ARSL: variants seen among roughly 807,000 people sequenced by gnomAD.
ARSL encodes the protein arylsulfatase E (chondrodysplasia punctata 1).
ARSL carries 4 observed loss-of-function variants against 31.1 expected under a neutral mutation model. The ratio of observed to expected loss-of-function variants is 0.13; its 90% CI spans 0.06 to 0.29. The LOEUF (loss-of-function observed/expected upper bound fraction) is 0.29. ARSL is among the 10% of genes least tolerant of loss of function. The pLI is 1.00. For synonymous variants in ARSL, 198 were observed against 209.9 expected, an observed-to-expected ratio of 0.94 and a Z score of 0.49; for missense variants, 312 against 497.8, an observed-to-expected ratio of 0.63 and a Z score of 3.55.
chrX:2,942,928 A>G (rs1744930600), intron 8 of ARSL, 137 bp downstream of exon 8: 2 of 894,895 alleles, frequency 2.2e-6, no homozygotes, highest in Admixed American at 2.4e-5. Flanking sequence ...ATGTCAAATT[A>G]CCACTTTTGC....
chrX:2,951,173 GT>G (rs931260439), intron 5 of ARSL, among the ~76,000 whole-genome samples: 2 of 111,832 alleles, frequency 1.8e-5, no homozygotes, highest in African/African-American at 6.5e-5. Context: ...ATTGCACCTT[GT>G]TTTGCAGTGC....
upstream of ARSL, among the ~76,000 whole-genome samples, chrX:2,966,815 GTATAAA>G (rs1202776008): frequency 1.8e-5 from 2 of 108,787 alleles, no homozygotes; most frequent in African/African-American, 3.3e-5. Flanking sequence ...TAATATGCAC[GTATAAA>G]TATAAACATA....
intron 7 of ARSL, among the ~76,000 whole-genome samples, chrX:2,945,303 A>G (rs1452660514): frequency 4.5e-5 from 5 of 111,732 alleles, no homozygotes; most frequent in Middle Eastern, 4.7e-3. Context: ...GGTAGAGGTC[A>G]GACTAGGATC....
upstream of ARSL, chrX:2,968,190 C>T (rs1437494063): frequency 1.7e-6 from 2 of 1,153,624 alleles, no homozygotes; most frequent in East Asian, 3.3e-5. Flanking sequence ...CTGGATGTAG[C>T]GGGGAGGCTG....
chrX:2,951,990 T>TA (rs201726409), intron 5 of ARSL, among the ~76,000 whole-genome samples: 6,244 of 110,483 alleles, frequency 0.057, 444 homozygotes, highest in African/African-American at 0.19. Flanking sequence ...TGTTGTTTGT[T>TA]ATCAATAAAT....
chrX:2,954,317 A>T (rs2089497788), intron 4 of ARSL, among the ~76,000 whole-genome samples: 1 of 111,328 alleles, frequency 9.0e-6, no homozygotes, highest in African/African-American at 3.3e-5. Context: ...TTGTTTTGGG[A>T]CAGAGTCTTG....
chrX:2,961,494 T>C (rs1401972786), intron 1 of ARSL, among the ~76,000 whole-genome samples: 1 of 111,778 alleles, frequency 8.9e-6, no homozygotes, highest in Admixed American at 9.5e-5. Flanking sequence ...CTATATATTG[T>C]GACTTACTTT....
chrX:2,954,157 T>C (rs950039800), intron 4 of ARSL, among the ~76,000 whole-genome samples: 4 of 111,659 alleles, frequency 3.6e-5, no homozygotes, highest in African/African-American at 6.5e-5. Flanking sequence ...CTAATTTTCA[T>C]TGGTCTTGGG....
intron 1 of ARSL, among the ~76,000 whole-genome samples, chrX:2,962,414 G>A (rs2089650056): frequency 8.9e-6 from 1 of 111,897 alleles, no homozygotes; most frequent in African/African-American, 3.3e-5. Flanking sequence ...TTTTAGAAGG[G>A]CCGAGCGGCC....
At chrX:2,963,225 C>T (rs978760133) in intron 1 of ARSL, among the ~76,000 whole-genome samples, 3 of 111,610 alleles carry the variant, frequency 2.7e-5, no homozygotes, top group Non-Finnish European at 3.8e-5. Flanking sequence ...TAGCAAAAGA[C>T]GCAATTACGT....
At chrX:2,955,382 C>T (rs766156455) in intron 4 of ARSL, 34 bp downstream of exon 4, 1 of 1,208,872 alleles carries the variant, frequency 8.3e-7, no homozygotes, top group Non-Finnish European at 1.1e-6. Context: ...ATACACCAGG[C>T]TGCACCCTAG....
chrX:2,954,586 G>A lies in ARSL; in HGVS notation c.307+830C>T, dbSNP rs374899876. On this transcript the variant is annotated intron_variant, in intron 4 of 10. Transcript: ENST00000381134. ...GCTGGGATTATAGGCATGAGCCACC[G>A]TGCCCAGCCTCTACCCAAGTGCTTT... 7.2e-5 allele frequency among the ~76,000 whole-genome samples: 8 copies of A among 111,847 alleles called. No individual in the cohort carries two copies. The East Asian group carries it at 2.0e-3, about 28-fold the overall frequency.
At chrX:2,951,923 T>C (rs926317255) in intron 5 of ARSL, among the ~76,000 whole-genome samples, 2 of 110,153 alleles carry the variant, frequency 1.8e-5, no homozygotes, top group African/African-American at 6.6e-5. Flanking sequence ...ATTTTATAAT[T>C]TTTAATTTTT....
chrX:2,959,837 C>T, intron 2 of ARSL: 1 of 635,357 alleles, frequency 1.6e-6, no homozygotes, highest in East Asian at 3.9e-5. Context: ...GGGAGCATTG[C>T]CTGAGCCCAG....
chrX:2,960,085 C>G (rs1441457933), intron 2 of ARSL, among the ~76,000 whole-genome samples: 1 of 101,136 alleles, frequency 9.9e-6, no homozygotes, highest in Non-Finnish European at 2.0e-5. Flanking sequence ...CTGGCTAACA[C>G]GGTGAAACCC....
At chrX:2,943,716 T>G (rs112504680) in intron 7 of ARSL, among the ~76,000 whole-genome samples, 1 of 79,684 alleles carries the variant, frequency 1.3e-5, no homozygotes, top group Non-Finnish European at 2.2e-5. Context: ...CGCTCCAGCC[T>G]GGGTGACAGA....
At chrX:2,960,443 C>G (rs764016312) in intron 1 of ARSL, 23 bp from the exon 2 acceptor site, 6 of 1,197,729 alleles carry the variant, frequency 5.0e-6, no homozygotes, top group South Asian at 3.6e-5. Context: ...AAGATGTCCA[C>G]AATCACATTG....
chrX:2,960,353 A>T, intron 2 of ARSL, 25 bp downstream of exon 2: 1 of 975,730 alleles, frequency 1.0e-6, no homozygotes. Context: ...GAGACTACTA[A>T]TGAGTGCATA....
At chrX:2,959,557 C>A (rs1489814329) in intron 2 of ARSL, 2 of 1,122,149 alleles carry the variant, frequency 1.8e-6, no homozygotes, top group Middle Eastern at 2.9e-4. Flanking sequence ...CCCTGATTTT[C>A]CCTGGAAAAC....
Sources: gnomAD v4.1 joint callset for allele counts (sites outside exome capture counted in the v4.1 genomes callset) on GRCh38, gnomAD v4.1.1 for gene constraint, MANE v1.5 for transcripts, NCBI Gene and HGNC (gene_info 2026-07-23, HGNC 2026-07-21) for gene names.